Variants in CKMT1B observed in about 807,000 individuals in gnomAD.
CKMT1B encodes the protein creatine kinase U-type, mitochondrial.
In CKMT1B, 13 loss-of-function variants were observed where a neutral mutation model predicts 21.8. The ratio of observed to expected loss-of-function variants is 0.60; its 90% CI spans 0.39 to 0.95. CKMT1B has a LOEUF of 0.95. Among genes scored for constraint, CKMT1B ranks in the 40% least tolerant of loss-of-function variants. CKMT1B has a pLI of 0.00. For synonymous variants in CKMT1B, 50 were observed against 80.3 expected (o/e 0.62, Z 2.02); for missense variants, 157 against 227.5 (o/e 0.69, Z 1.99).
intron 6 of CKMT1B, chr15:43,597,553 C>T (rs1485547014): frequency 1.2e-5 from 13 of 1,119,026 alleles, no homozygotes; most frequent in South Asian, 3.4e-5. Flanking sequence ...GATCCCTTTA[C>T]TCATGTTGGG....
chr15:43,595,992 C>T lies in CKMT1B; in HGVS notation c.581C>T (p.Ala194Val). Residue 194 changes from alanine to valine, a missense_variant, in exon 4 of 9, where the codon GCA becomes GTA. Physicochemically the swap from Ala to Val is moderately conservative, Grantham distance 64 (BLOSUM62 0). Coordinates refer to ENST00000441322, the MANE Select transcript of CKMT1B (RefSeq NM_001375484.1). The part of the protein sequence containing the change: ...RREVERVVVD[A>V]LSGLKGDLAG... ...GAGGTGGAACGTGTTGTGGTGGATG[C>T]ACTGAGTGGCCTGAAGGGTGACCTG... The T allele has an allele frequency of 5.8e-6, 1 of 173,320 alleles. No homozygotes were observed. Among genetic ancestry groups the T allele is most frequent in the Admixed American group, 1.3e-4 (1 of 7,982 alleles). 10.7% of individuals were successfully genotyped at this position (173,320 alleles called of 1,614,324 possible).
At position 43,595,905 on chromosome 15, in the gene CKMT1B, G is replaced by C. The variant is rs1389691581; in HGVS notation, c.494G>C (p.Arg165Thr). 2 of 114,104 alleles carry C rather than the reference G, an allele frequency of 1.8e-5. No individual in the cohort carries two copies. Among genetic ancestry groups the C allele is most frequent in the Non-Finnish European group, 2.9e-5 (2 of 69,618 alleles). 7.1% of individuals were successfully genotyped at this position (114,104 alleles called of 1,614,324 possible). A position where few individuals can be genotyped will look rare whatever the true frequency, so the allele number is the denominator to read the frequency against. ...AGGTATGTATTGTCCTCTAGAGTCA[G>C]AACTGGCCGAAGCATCCGAGGACTC... Reference protein sequence around the residue: ...DERYVLSSRVRTGRSIRGLSL... With the variant: ...DERYVLSSRVTTGRSIRGLSL... Residue 165 changes from arginine (R) to threonine (T), a missense_variant, in exon 4 of 9, where the codon AGA becomes ACA. Coordinates refer to ENST00000441322, the MANE Select transcript of CKMT1B (RefSeq NM_001375484.1).
At chr15:43,596,632 T>A (rs1467146425) in intron 6 of CKMT1B, 101 bp downstream of exon 6, 1 of 1,571,838 alleles carries the variant, frequency 6.4e-7, no homozygotes, top group African/African-American at 1.4e-5. Flanking sequence ...CCAGGACATG[T>A]CTTATAGTAA....
rs2439 is a variant in CKMT1B at position 43,599,314 on chromosome 15, C to T, written c.*41C>T. On this transcript the variant is annotated 3_prime_UTR_variant, in exon 9 of 9. Coordinates refer to ENST00000441322, the MANE Select transcript of CKMT1B (RefSeq NM_001375484.1). ...TGATGACTCAAGATTCCCAGGAGTT[C>T]TGCTCATTCTAATGATGGCCCATTC... 208,512 of 1,612,860 alleles carry T rather than the reference C, an allele frequency of 0.13. 22,139 individuals are homozygous for T. Among genetic ancestry groups the T allele is most frequent in the African/African-American group, 0.49 (36,800 of 74,494 alleles).
chr15:43,597,584 A>C, intron 6 of CKMT1B: 1 of 996,496 alleles, frequency 1.0e-6, no homozygotes, highest in Non-Finnish European at 1.3e-6. Flanking sequence ...TGTGACCATC[A>C]TTCTGCTAGA....
Position 43,599,273 on chromosome 15 carries a change from A to G in CKMT1B, c.1254A>G (p.Ter418=). 1 of 1,612,998 alleles carries G rather than the reference A, an allele frequency of 6.2e-7. No individual in the cohort carries two copies. Among genetic ancestry groups the G allele is most frequent in the Non-Finnish European group, 8.5e-7 (1 of 1,179,698 alleles). ...IPTPVIHTKH[*] Reference sequence around the variant, plus strand: ...CACCTGTCATCCACACCAAGCATTAACTCCCCATCGCCAGCTGATGACTCA... The same window carrying G: ...CACCTGTCATCCACACCAAGCATTAGCTCCCCATCGCCAGCTGATGACTCA... The change falls in exon 9 of 9, where the codon TAA becomes TAG. Residue 418 remains the stop codon, a stop_retained_variant. Coordinates refer to ENST00000441322, the MANE Select transcript of CKMT1B (RefSeq NM_001375484.1).
chr15:43,598,876 G>T lies in CKMT1B; in HGVS notation c.1061G>T (p.Gly354Val). The change falls in exon 8 of 9, where the codon GGT (glycine) becomes GTT (valine). Residue 354 changes from glycine to valine, a missense_variant. Transcript: ENST00000441322. ...GAGAACCTAAGACTCCAAAAACGTG[G>T]TACTGGAGGAGTGGACACTGCTGCT... The part of the protein sequence containing the change: ...ILENLRLQKR[G>V]TGGVDTAATG... 6.2e-7 allele frequency: 1 copy of T among 1,609,076 alleles called. No homozygotes were observed. Among genetic ancestry groups the T allele is most frequent in the Non-Finnish European group, 8.5e-7 (1 of 1,179,546 alleles).
chr15:43,597,665 C>G, intron 6 of CKMT1B: 1 of 939,804 alleles, frequency 1.1e-6, no homozygotes, highest in Non-Finnish European at 1.3e-6. Context: ...CGCCTTCCCC[C>G]CGCCCCCTAT....
At chr15:43,596,622 C>A in intron 6 of CKMT1B, 91 bp downstream of exon 6, 1 of 1,585,778 alleles carries the variant, frequency 6.3e-7, no homozygotes, top group Non-Finnish European at 8.6e-7. Context: ...ACCAACCAAC[C>A]CAGGACATGT....
rs557681621 is a variant in CKMT1B, at chr15:43,598,994, G to T, written c.1137+42G>T. The T allele has an allele frequency of 1.1e-4, 173 of 1,608,074 alleles. 4 individuals carry two copies. The South Asian group carries it at 1.8e-3, about 17-fold the overall frequency. ...TTAGGACAAGGAGAGGTATAGGTCT[G>T]CGAGGGCCGAAATATGGCAGTGAGT... is the stretch of plus-strand genomic sequence containing the variant. On this transcript the variant is annotated intron_variant, in intron 8 of 8. Coordinates refer to ENST00000441322, the MANE Select transcript of CKMT1B (RefSeq NM_001375484.1).
chr15:43,597,018 C>T (rs1317720254), intron 6 of CKMT1B, among the ~76,000 whole-genome samples: 3 of 148,572 alleles, frequency 2.0e-5, no homozygotes, highest in Non-Finnish European at 4.4e-5. Context: ...GTTGAGAGTT[C>T]GGAGAGAGAC....
At position 43,598,907 on chromosome 15, in the gene CKMT1B, C is replaced by A. The variant is rs147081553; in HGVS notation, c.1092C>A (p.Gly364=). 739 of 1,609,718 alleles carry A rather than the reference C, an allele frequency of 4.6e-4. 13 individuals carry two copies. The highest frequency in any genetic ancestry group is 5.0e-4 in the Middle Eastern group (3 of 6,054). Reference sequence around the variant, plus strand: ...GAGGAGTGGACACTGCTGCTACAGGCGGTGTCTTTGATATTTCTAATTTGG... The same window carrying A: ...GAGGAGTGGACACTGCTGCTACAGGAGGTGTCTTTGATATTTCTAATTTGG... ...GTGGVDTAAT[G]GVFDISNLDR... Residue 364 remains glycine, a synonymous_variant, in exon 8 of 9, where the codon GGC becomes GGA. Coordinates refer to ENST00000441322, the MANE Select transcript of CKMT1B (RefSeq NM_001375484.1).
chr15:43,597,105 T>C (rs2085582581), intron 6 of CKMT1B, among the ~76,000 whole-genome samples: 1 of 145,220 alleles, frequency 6.9e-6, no homozygotes, highest in Non-Finnish European at 1.5e-5. Flanking sequence ...GAATCATCAA[T>C]CCTACATGGA....
chr15:43,599,138 A>G lies in CKMT1B; in HGVS notation c.1138-19A>G. On this transcript the variant is annotated intron_variant, in intron 8 of 8. Coordinates refer to ENST00000441322, the MANE Select transcript of CKMT1B (RefSeq NM_001375484.1). ...AAACTCAGACTGTAGGAAGCAGATC[A>G]AAGATTAGTGTCCCTTAGGTGGAGC... The G allele has an allele frequency of 6.2e-7, 1 of 1,613,648 alleles. No individual in the cohort carries two copies. Among genetic ancestry groups the G allele is most frequent in the Non-Finnish European group, 8.5e-7 (1 of 1,179,766 alleles).
chr15:43,598,447 G>T lies in CKMT1B; in HGVS notation c.1011+120G>T, dbSNP rs572528695. 42 of 1,444,798 alleles carry T rather than the reference G, an allele frequency of 2.9e-5. 4 individuals carry two copies. The highest frequency in any genetic ancestry group is 4.7e-4 in the Middle Eastern group (2 of 4,218). 89.5% of individuals were successfully genotyped at this position (1,444,798 alleles called of 1,614,324 possible). A position where few individuals can be genotyped will look rare whatever the true frequency, so the allele number is the denominator to read the frequency against. ...TTGTGGCTAAAGGGTCAGAGGACAG[G>T]CCAGGCACAGTGGCTCATGCCTCTA... On this transcript the variant is annotated intron_variant, in intron 7 of 8. Transcript: ENST00000441322.
At chr15:43,597,796 C>T in intron 6 of CKMT1B, 1 of 1,039,582 alleles carries the variant, frequency 9.6e-7, no homozygotes, top group Non-Finnish European at 1.2e-6. Context: ...CCTTCATCTT[C>T]TGTCTGAAGG....
rs186688987 is a variant in CKMT1B, at chr15:43,598,729, G to A, written c.1012-98G>A. 2.0e-3 allele frequency: 2,818 copies of A among 1,441,292 alleles called. 39 individuals are homozygous for A. In the Middle Eastern group the frequency reaches 0.022, roughly 11 times the overall value. 89.3% of individuals were successfully genotyped at this position (1,441,292 alleles called of 1,614,324 possible). On this transcript the variant is annotated intron_variant, in intron 7 of 8. Coordinates refer to ENST00000441322, the MANE Select transcript of CKMT1B (RefSeq NM_001375484.1). Reference sequence around the variant, plus strand: ...GAAAAAAGAAAAAAGGAAAAAAAAAGTTCAGGAGACAGAGCTCTGAGCAGG... The same window carrying A: ...GAAAAAAGAAAAAAGGAAAAAAAAAATTCAGGAGACAGAGCTCTGAGCAGG...
chr15:43,598,739 C>T (rs1375992017), intron 7 of CKMT1B, 88 bp from the exon 8 acceptor site: 1 of 1,464,930 alleles, frequency 6.8e-7, no homozygotes, highest in Admixed American at 2.3e-5. Flanking sequence ...GTTCAGGAGA[C>T]AGAGCTCTGA....
intron 7 of CKMT1B, 129 bp from the exon 8 acceptor site, chr15:43,598,698 A>G (rs1211815820): frequency 3.0e-6 from 4 of 1,347,804 alleles, no homozygotes; most frequent in African/African-American, 3.2e-5. Flanking sequence ...AAAAAAAATT[A>G]AAAAAGAAAA....
Sources: gnomAD v4.1 joint callset for allele counts (sites outside exome capture counted in the v4.1 genomes callset) on GRCh38, gnomAD v4.1.1 for gene constraint, MANE v1.5 for transcripts, NCBI Gene and HGNC (gene_info 2026-07-23, HGNC 2026-07-21) for gene names.